The following KLHDC9 variants were observed in gnomAD, a reference collection of about 807,000 sequenced individuals.
KLHDC9 encodes kelch domain-containing protein 9.
Under a neutral mutation model 31.5 loss-of-function variants are expected in KLHDC9, and 26 were observed. The observed-to-expected ratio is 0.83, with a 90% CI of 0.61 to 1.15. The LOEUF is 1.15. Among genes scored for constraint, KLHDC9 ranks in the 50% most tolerant of loss-of-function variants. The pLI is 0.00. For synonymous variants in KLHDC9, 176 were observed against 184.7 expected (o/e 0.95, Z 0.38); for missense variants, 437 against 467.7 (o/e 0.93, Z 0.61).
chr1:161,098,752 G>GCCCGGGGCAGCC lies in KLHDC9; in HGVS notation c.221_232dup (p.Arg74_Pro77dup). 6.2e-7 allele frequency: 1 copy of GCCCGGGGCAGCC among 1,603,444 alleles called. No homozygotes were observed. Among genetic ancestry groups the GCCCGGGGCAGCC allele is most frequent in the South Asian group, 1.1e-5 (1 of 89,712 alleles). ...TAGGGGCCAGGCCGTACGATTGGGA[G>GCCCGGGGCAGCC]CCCGGGGCAGCCCCCCGCGCAGTCA... On this transcript the variant is annotated inframe_insertion, in exon 1 of 4. Transcript: ENST00000368011. This position sits in a 1 kb window ranked among gnomAD's most constrained non-coding sequence, Gnocchi z 6.3.
rs1298609760 is a variant in KLHDC9 at position 161,099,054 on chromosome 1, C to G, written c.519C>G (p.Arg173=). 1 of 1,596,348 alleles carries G rather than the reference C, an allele frequency of 6.3e-7. No individual in the cohort carries two copies. Among genetic ancestry groups the G allele is most frequent in the African/African-American group, 1.3e-5 (1 of 74,834 alleles). ...IYTLRLDPSA[R]TYCYKQEGCH... Reference sequence around the variant, plus strand: ...CATTAAGGCTGGACCCCAGCGCCCGCACCTATTGGTATGGCACCCTCCGCC... The same window carrying G: ...CATTAAGGCTGGACCCCAGCGCCCGGACCTATTGGTATGGCACCCTCCGCC... The change falls in exon 1 of 4, where the codon CGC becomes CGG. Residue 173 remains arginine, a synonymous_variant. Transcript: ENST00000368011.
At position 161,099,659 on chromosome 1, in the gene KLHDC9, A is replaced by AG; in HGVS notation, c.753dup (p.Ser252ValfsTer32). 6.2e-7 allele frequency: 1 copy of AG among 1,614,198 alleles called. No homozygotes were observed. Among genetic ancestry groups the AG allele is most frequent in the Non-Finnish European group, 8.5e-7 (1 of 1,180,028 alleles). On this transcript the variant is annotated frameshift_variant, in exon 3 of 4. Transcript: ENST00000368011. LOFTEE classifies it high-confidence loss of function. ...CTTGCAAGGCTTGTGAGCAGTGGGC[A>AG]GGGGTCCCAGAAGGGGCCCCATGGA... is the stretch of plus-strand genomic sequence containing the variant.
chr1:161,098,515 C>A lies in KLHDC9; in HGVS notation c.-21C>A. 6.5e-7 allele frequency: 1 copy of A among 1,533,862 alleles called. No homozygotes were observed. Among genetic ancestry groups the A allele is most frequent in the Non-Finnish European group, 8.8e-7 (1 of 1,137,590 alleles). On this transcript the variant is annotated 5_prime_UTR_variant, in exon 1 of 4. Transcript: ENST00000368011. This position sits in a 1 kb window ranked among gnomAD's most constrained non-coding sequence, Gnocchi z 6.3. ...TCGTTCCAAGCCGCAGACCCCACCG[C>A]CCTCCCTCTCCCCGGGGCCCATGGC... is the stretch of plus-strand genomic sequence containing the variant.
At position 161,099,000 on chromosome 1, in the gene KLHDC9, C is replaced by G. The variant is rs780121358; in HGVS notation, c.465C>G (p.His155Gln). The G allele has an allele frequency of 6.3e-7, 1 of 1,595,314 alleles. No individual in the cohort carries two copies. The highest frequency in any genetic ancestry group is 1.7e-5 in the Admixed American group (1 of 59,642). ...TGGCTGGCCGGGAGGGCGGTATCCA[C>G]ACTCAGCGACGCTATGGAAGCATCT... is the stretch of plus-strand genomic sequence containing the variant. ...LQVAGREGGI[H>Q]TQRRYGSIYT... Residue 155 changes from histidine to glutamine, a missense_variant, in exon 1 of 4, where the codon CAC (histidine) becomes CAG (glutamine). Coordinates refer to ENST00000368011, the MANE Select transcript of KLHDC9 (RefSeq NM_152366.5). The surrounding 1 kb of genome is among the most constrained non-coding windows in gnomAD (Gnocchi z 6.3).
intron 2 of KLHDC9, 23 bp from the exon 3 acceptor site, chr1:161,099,575 A>T (rs755674250): frequency 6.2e-7 from 1 of 1,614,174 alleles, no homozygotes; most frequent in East Asian, 2.2e-5. Context: ...GTCTCTTCGG[A>T]CAGTCCTTTC....
rs2101694210 is a variant in KLHDC9 at position 161,098,901 on chromosome 1, G to A, written c.366G>A (p.Gly122=). Residue 122 remains glycine (G), a synonymous_variant, in exon 1 of 4, where the codon GGG becomes GGA. Coordinates refer to ENST00000368011, the MANE Select transcript of KLHDC9 (RefSeq NM_152366.5). The surrounding 1 kb of genome is among the most constrained non-coding windows in gnomAD (Gnocchi z 6.3). ...GCGGTGTGTGGGAGGCGTGGACAGG[G>A]ACCCCTGGTGACTGCCCCCCCGCCG... ...TERGVWEAWT[G]TPGDCPPAGL... is the part of the protein sequence containing the mutation. The A allele has an allele frequency of 6.4e-7, 1 of 1,571,708 alleles. No homozygotes were observed. The highest frequency in any genetic ancestry group is 2.3e-5 in the East Asian group (1 of 43,050).
chr1:161,099,359 G>A lies in KLHDC9; in HGVS notation c.541G>A (p.Gly181Ser), dbSNP rs1388471048. 2 of 1,614,228 alleles carry A rather than the reference G, an allele frequency of 1.2e-6. No homozygotes were observed. Among genetic ancestry groups the A allele is most frequent in the South Asian group, 1.1e-5 (1 of 91,092 alleles). Residue 181 changes from glycine (G) to serine (S), a missense_variant, in exon 2 of 4, where the codon GGC becomes AGC. Coordinates refer to ENST00000368011, the MANE Select transcript of KLHDC9 (RefSeq NM_152366.5). The stretch of plus-strand genomic sequence containing the variant: ...GCATGTCCACAGCTACAAGCAAGAA[G>A]GCTGCCACACAGCCTCACGCTCAGG... Reference protein sequence around the residue: ...SARTYCYKQEGCHTASRSGHC... With the variant: ...SARTYCYKQESCHTASRSGHC...
intron 3 of KLHDC9, 58 bp downstream of exon 3, chr1:161,099,854 G>A (rs1433367075): frequency 2.6e-6 from 4 of 1,515,772 alleles, no homozygotes; most frequent in Non-Finnish European, 3.7e-6. Flanking sequence ...GGAACCTGAA[G>A]ACTACAGAAA....
At position 161,099,666 on chromosome 1, in the gene KLHDC9, C is replaced by T; in HGVS notation, c.756C>T (p.Ser252=). Residue 252 remains serine (S), a synonymous_variant, in exon 3 of 4, where the codon TCC becomes TCT. Transcript: ENST00000368011. ...LARLVSSGQG[S]QKGPHGLRHH... ...GGCTTGTGAGCAGTGGGCAGGGGTC[C>T]CAGAAGGGGCCCCATGGACTACGGC... 1 of 1,614,170 alleles carries T rather than the reference C, an allele frequency of 6.2e-7. No homozygotes were observed. The highest frequency in any genetic ancestry group is 8.5e-7 in the Non-Finnish European group (1 of 1,180,040).
chr1:161,098,971 C>A lies in KLHDC9; in HGVS notation c.436C>A (p.Gln146Lys). ...TCTRISDREL[Q>K]VAGREGGIHT... ...CACCCGAATCTCTGACCGAGAGCTGCAGGTGGCTGGCCGGGAGGGCGGTAT... is the reference window on the plus strand; with the variant it reads ...CACCCGAATCTCTGACCGAGAGCTGAAGGTGGCTGGCCGGGAGGGCGGTAT... Residue 146 changes from glutamine (Q) to lysine (K), a missense_variant, in exon 1 of 4, where the codon CAG becomes AAG. Physicochemically the swap from Gln to Lys is moderately conservative, Grantham distance 53. Transcript: ENST00000368011. The surrounding 1 kb of genome is among the most constrained non-coding windows in gnomAD (Gnocchi z 6.3). The A allele has an allele frequency of 6.3e-7, 1 of 1,589,896 alleles. No individual in the cohort carries two copies. The highest frequency in any genetic ancestry group is 8.5e-7 in the Non-Finnish European group (1 of 1,175,022).
chr1:161,099,845 G>A (rs1472289053), intron 3 of KLHDC9, 49 bp downstream of exon 3: 2 of 1,530,894 alleles, frequency 1.3e-6, no homozygotes. Flanking sequence ...GAAGATGGGG[G>A]AACCTGAAGA....
chr1:161,098,918 C>T lies in KLHDC9; in HGVS notation c.383C>T (p.Pro128Leu), dbSNP rs1426592493. Residue 128 changes from proline to leucine, a missense_variant, in exon 1 of 4, where the codon CCC becomes CTC. Pro to Leu is a moderately conservative substitution (Grantham distance 98, BLOSUM62 -3). Transcript: ENST00000368011. The surrounding 1 kb of genome is among the most constrained non-coding windows in gnomAD (Gnocchi z 6.3). Reference sequence around the variant, plus strand: ...TGGACAGGGACCCCTGGTGACTGCCCCCCCGCCGGCCTCAGTAGTCACACC... The same window carrying T: ...TGGACAGGGACCCCTGGTGACTGCCTCCCCGCCGGCCTCAGTAGTCACACC... ...EAWTGTPGDC[P>L]PAGLSSHTCT... The T allele has an allele frequency of 6.4e-7, 1 of 1,570,288 alleles. No individual in the cohort carries two copies. Among genetic ancestry groups the T allele is most frequent in the Non-Finnish European group, 8.6e-7 (1 of 1,161,594 alleles).
Position 161,099,714 on chromosome 1 carries a change from G to T in KLHDC9, c.804G>T (p.Gly268=). Residue 268 remains glycine, a synonymous_variant, in exon 3 of 4, where the codon GGG becomes GGT. Coordinates refer to ENST00000368011, the MANE Select transcript of KLHDC9 (RefSeq NM_152366.5). ...GGCATCACTCATGTTCTGTGGTCGGGCCCTTTGCTGTGCTGTTTGGTGGAG... is the reference window on the plus strand; with the variant it reads ...GGCATCACTCATGTTCTGTGGTCGGTCCCTTTGCTGTGCTGTTTGGTGGAG... The part of the protein sequence containing the change: ...GLRHHSCSVV[G]PFAVLFGGET... 1 of 1,614,158 alleles carries T rather than the reference G, an allele frequency of 6.2e-7. No homozygotes were observed. The highest frequency in any genetic ancestry group is 8.5e-7 in the Non-Finnish European group (1 of 1,180,022).
At position 161,100,203 on chromosome 1, in the gene KLHDC9, T is replaced by C. The variant is rs1654515359; in HGVS notation, c.1029T>C (p.Val343=). 3.1e-6 allele frequency: 5 copies of C among 1,613,606 alleles called. No homozygotes were observed. The highest frequency in any genetic ancestry group is 4.2e-6 in the Non-Finnish European group (5 of 1,179,610). ...ATGGCAGGACAGCCAGTCCACAGGTTTGCATCCTGGACTTTATCTAAATAG... is the reference window on the plus strand; with the variant it reads ...ATGGCAGGACAGCCAGTCCACAGGTCTGCATCCTGGACTTTATCTAAATAG... ...GEDGRTASPQ[V]CILDFI Residue 343 remains valine (V), a synonymous_variant, in exon 4 of 4, where the codon GTT becomes GTC. Coordinates refer to ENST00000368011, the MANE Select transcript of KLHDC9 (RefSeq NM_152366.5).
chr1:161,099,169 C>T (rs552309192), intron 1 of KLHDC9, 107 bp downstream of exon 1: 1 of 1,362,454 alleles, frequency 7.3e-7, no homozygotes, highest in Admixed American at 1.9e-5. Flanking sequence ...CTCTAGCACC[C>T]TCCTTCCAGG....
In KLHDC9 at chr1:161,098,762, G is replaced by T; in HGVS notation, c.227G>T (p.Ser76Ile). Residue 76 changes from serine (S) to isoleucine (I), a missense_variant, in exon 1 of 4, where the codon AGC becomes ATC. Physicochemically the swap from Ser to Ile is moderately radical, Grantham distance 142. Transcript: ENST00000368011. The surrounding 1 kb of genome is among the most constrained non-coding windows in gnomAD (Gnocchi z 6.3). ...GQAVRLGARG[S>I]PPRSHHDAAP... ...GCCGTACGATTGGGAGCCCGGGGCA[G>T]CCCCCCGCGCAGTCACCACGACGCG... 1 of 1,600,598 alleles carries T rather than the reference G, an allele frequency of 6.2e-7. No homozygotes were observed. Among genetic ancestry groups the T allele is most frequent in the Non-Finnish European group, 8.5e-7 (1 of 1,173,368 alleles).
chr1:161,098,603 A>C lies in KLHDC9; in HGVS notation c.68A>C (p.Asp23Ala). The change falls in exon 1 of 4, where the codon GAC becomes GCC. Residue 23 changes from aspartate (D) to alanine (A), a missense_variant. Coordinates refer to ENST00000368011, the MANE Select transcript of KLHDC9 (RefSeq NM_152366.5). The surrounding 1 kb of genome is among the most constrained non-coding windows in gnomAD (Gnocchi z 6.3). ...TGGGCCTGGAGGCCAGTGGCGCGGG[A>C]CGCGCTTTTGGCTAGAGCTTTCCAT... ...SGWAWRPVARDALLARAFHSC... is the reference protein window; with the variant it reads ...SGWAWRPVARAALLARAFHSC... 6.3e-7 allele frequency: 1 copy of C among 1,597,756 alleles called. No homozygotes were observed. Among genetic ancestry groups the C allele is most frequent in the Non-Finnish European group, 8.5e-7 (1 of 1,172,684 alleles).
In KLHDC9 at chr1:161,098,669, G is replaced by A; in HGVS notation, c.134G>A (p.Gly45Asp). 6.2e-7 allele frequency: 1 copy of A among 1,613,292 alleles called. No individual in the cohort carries two copies. Among genetic ancestry groups the A allele is most frequent in the Non-Finnish European group, 8.5e-7 (1 of 1,179,576 alleles). ...ELRGRFYLVG[G>D]LLAGGAREPS... ...CGGGGACGGTTCTATCTCGTAGGTG[G>A]TCTCCTAGCAGGAGGAGCGAGAGAG... Residue 45 changes from glycine to aspartate, a missense_variant, in exon 1 of 4, where the codon GGT becomes GAT. Gly to Asp is a moderately conservative substitution (Grantham distance 94). Coordinates refer to ENST00000368011, the MANE Select transcript of KLHDC9 (RefSeq NM_152366.5). This position sits in a 1 kb window ranked among gnomAD's most constrained non-coding sequence, Gnocchi z 6.3.
Position 161,098,877 on chromosome 1 carries a change from C to T in KLHDC9, c.342C>T (p.Arg114=). The change falls in exon 1 of 4, where the codon CGC becomes CGT. Residue 114 remains arginine (R), a synonymous_variant. Transcript: ENST00000368011. This position sits in a 1 kb window ranked among gnomAD's most constrained non-coding sequence, Gnocchi z 6.3. ...LATVTALDTE[R]GVWEAWTGTP... Reference sequence around the variant, plus strand: ...CAGTGACCGCACTGGACACAGAGCGCGGTGTGTGGGAGGCGTGGACAGGGA... The same window carrying T: ...CAGTGACCGCACTGGACACAGAGCGTGGTGTGTGGGAGGCGTGGACAGGGA... The T allele has an allele frequency of 1.3e-6, 2 of 1,575,672 alleles. No homozygotes were observed. The highest frequency in any genetic ancestry group is 1.7e-6 in the Non-Finnish European group (2 of 1,161,438).
Sources: allele counts gnomAD v4.1 joint callset, GRCh38; gene constraint gnomAD v4.1.1; non-coding constraint Gnocchi (gnomAD v3.1); transcripts MANE v1.5; gene names NCBI Gene and HGNC (gene_info 2026-07-23, HGNC 2026-07-21).